Variants in ZMYND8 observed in about 807,000 individuals in gnomAD.
ZMYND8 encodes MYND-type zinc finger-containing chromatin reader ZMYND8.
A neutral mutation model predicts 140.8 loss-of-function variants in ZMYND8; 37 were observed. The ratio of observed to expected loss-of-function variants is 0.26; its 90% CI spans 0.20 to 0.35. The LOEUF is 0.35. ZMYND8 is among the 10% of genes least tolerant of loss of function. ZMYND8 has a pLI of 1.00. For missense variants in ZMYND8, 1,068 were observed against 1,570.0 expected, an observed-to-expected ratio of 0.68 and a Z score of 5.40; for synonymous variants, 592 against 597.1, an observed-to-expected ratio of 0.99 and a Z score of 0.12.
intron 2 of ZMYND8, among the ~76,000 whole-genome samples, chr20:47,314,406 G>A (rs2079206899): frequency 6.6e-6 from 1 of 152,074 alleles, no homozygotes; most frequent in African/African-American, 2.4e-5. Context: ...GGCTGAAGCG[G>A]GAGAATCACT....
intron 10 of ZMYND8, among the ~76,000 whole-genome samples, chr20:47,278,874 T>C (rs920940975): frequency 2.0e-5 from 3 of 151,880 alleles, no homozygotes; most frequent in African/African-American, 7.3e-5. Context: ...ACAGGACAGA[T>C]CTGAGAAGGC....
chr20:47,297,950 C>T (rs1404791407), intron 4 of ZMYND8, among the ~76,000 whole-genome samples: 3 of 152,164 alleles, frequency 2.0e-5, no homozygotes, highest in African/African-American at 7.2e-5. Flanking sequence ...CTGCTGCCTC[C>T]GGCCGTCTGC....
chr20:47,238,506 C>T, intron 15 of ZMYND8: 1 of 605,676 alleles, frequency 1.7e-6, no homozygotes, highest in Non-Finnish European at 2.8e-6. Flanking sequence ...AAACTTTCTG[C>T]CCCCTTTTTA....
chr20:47,246,660 T>C, intron 13 of ZMYND8, 143 bp from the exon 14 acceptor site: 2 of 1,242,158 alleles, frequency 1.6e-6, no homozygotes, highest in Non-Finnish European at 2.2e-6. Context: ...ATGGGGCCAG[T>C]AATAATCTCA....
At chr20:47,232,471 GT>G (rs2038633467) in intron 16 of ZMYND8, among the ~76,000 whole-genome samples, 1 of 152,024 alleles carries the variant, frequency 6.6e-6, no homozygotes. Context: ...AGGTGGGAGG[GT>G]CGCTTGAACC....
intron 2 of ZMYND8, among the ~76,000 whole-genome samples, chr20:47,326,056 C>G (rs547337248): frequency 4.6e-5 from 7 of 152,338 alleles, no homozygotes; most frequent in African/African-American, 1.7e-4. Flanking sequence ...CTCCCAAGTT[C>G]AAGCAATTCT....
At chr20:47,278,790 G>A (rs1231064086) in intron 10 of ZMYND8, among the ~76,000 whole-genome samples, 2 of 152,130 alleles carry the variant, frequency 1.3e-5, no homozygotes, top group Non-Finnish European at 1.5e-5. Context: ...GAAGCCAGAT[G>A]CTCTCAAGGT....
At chr20:47,291,539 G>A (rs947464168) in intron 6 of ZMYND8, among the ~76,000 whole-genome samples, 1 of 152,206 alleles carries the variant, frequency 6.6e-6, no homozygotes, top group Admixed American at 6.5e-5. Context: ...TATGGCTTTT[G>A]CAGGTAAAAA....
intron 2 of ZMYND8, chr20:47,319,117 C>A (rs769249757): frequency 8.7e-7 from 1 of 1,153,576 alleles, no homozygotes; most frequent in Admixed American, 2.3e-5. Context: ...ACTTACCAGG[C>A]CAGCCCCGGT....
chr20:47,224,450 C>T lies in ZMYND8; in HGVS notation c.3123G>A (p.Glu1041=). 1.2e-6 allele frequency: 2 copies of T among 1,614,268 alleles called. No homozygotes were observed. The highest frequency in any genetic ancestry group is 2.2e-5 in the South Asian group (2 of 91,090). The stretch of plus-strand genomic sequence containing the variant: ...TGGCGCACCACTGCTTCTTCTTGGT[C>T]TCATCCACCGCCTGCTGCTTCTCCA... ...LELEKQQAVD[E]TKKKQWCANC... Residue 1041 remains glutamate (E), a synonymous_variant, in exon 19 of 23, where the codon GAG becomes GAA. Transcript: ENST00000471951.
rs191177180 is a variant in ZMYND8, at chr20:47,281,450, G to C, written c.998+652C>G. 1.5e-3 allele frequency among the ~76,000 whole-genome samples: 227 copies of C among 152,296 alleles called. 2 individuals carry two copies. Among genetic ancestry groups the C allele is most frequent in the African/African-American group, 5.4e-3 (223 of 41,566 alleles). ...TACTTAATCATAACTTGATAAAAGA[G>C]AACTAAGATATTAACCGCTGCTCAT... On this transcript the variant is annotated intron_variant, in intron 10 of 22. Coordinates refer to ENST00000471951, the MANE Select transcript of ZMYND8 (RefSeq NM_001281775.3).
At chr20:47,313,809 T>C (rs777584997) in intron 2 of ZMYND8, among the ~76,000 whole-genome samples, 1 of 151,666 alleles carries the variant, frequency 6.6e-6, no homozygotes, top group Non-Finnish European at 1.5e-5. Context: ...GGCACGTGCC[T>C]ATAGTCCCAG....
intron 12 of ZMYND8, among the ~76,000 whole-genome samples, chr20:47,253,033 A>G (rs534770960): frequency 1.3e-5 from 2 of 152,286 alleles, no homozygotes; most frequent in Non-Finnish European, 2.9e-5. Context: ...GATGTGTTCC[A>G]GTAAACTTTA....
At chr20:47,352,963 G>C (rs1425636819) in intron 1 of ZMYND8, 2 of 152,252 alleles carry the variant, frequency 1.3e-5, no homozygotes, top group African/African-American at 2.4e-5. Flanking sequence ...AATCTCTGCT[G>C]TGCAGTAGCG....
At chr20:47,309,064 A>G (rs762546655) in intron 3 of ZMYND8, among the ~76,000 whole-genome samples, 4 of 152,168 alleles carry the variant, frequency 2.6e-5, no homozygotes, top group Non-Finnish European at 5.9e-5. Flanking sequence ...TAAGTCCACT[A>G]AAGTGCCTCT....
At chr20:47,338,161 G>A (rs1488846214) in intron 2 of ZMYND8, among the ~76,000 whole-genome samples, 1 of 152,232 alleles carries the variant, frequency 6.6e-6, no homozygotes, top group East Asian at 1.9e-4. Flanking sequence ...CAGCGTTGGT[G>A]GGTCCAGGTG....
intron 12 of ZMYND8, among the ~76,000 whole-genome samples, chr20:47,254,061 A>G (rs1320150808): frequency 2.0e-5 from 3 of 152,240 alleles, no homozygotes; most frequent in Non-Finnish European, 2.9e-5. Context: ...CGCAGAGAGA[A>G]AACAGCTTCA....
chr20:47,328,971 T>C (rs1158251996), intron 2 of ZMYND8, among the ~76,000 whole-genome samples: 1 of 152,128 alleles, frequency 6.6e-6, no homozygotes, highest in Non-Finnish European at 1.5e-5. Flanking sequence ...CTGTGGAACT[T>C]TACCCCAGTC....
intron 12 of ZMYND8, among the ~76,000 whole-genome samples, chr20:47,252,634 G>A (rs964190170): frequency 6.6e-6 from 1 of 152,158 alleles, no homozygotes; most frequent in Non-Finnish European, 1.5e-5. Flanking sequence ...GTAAAAGCCT[G>A]GAGAGGACCG....
Sources: gnomAD v4.1 joint callset for allele counts (sites outside exome capture counted in the v4.1 genomes callset) on GRCh38, gnomAD v4.1.1 for gene constraint, MANE v1.5 for transcripts, NCBI Gene and HGNC (gene_info 2026-07-23, HGNC 2026-07-21) for gene names.